The following KCNH1 variants were observed in gnomAD, a reference collection of about 807,000 sequenced individuals.
The protein encoded by KCNH1 is potassium voltage-gated channel subfamily H member 1.
KCNH1 carries 27 observed loss-of-function variants against 69.2 expected under a neutral mutation model. The observed-to-expected ratio is 0.39, with a 90% CI of 0.29 to 0.54. KCNH1 has a LOEUF of 0.54. Ranked by LOEUF, KCNH1 falls within the 20% of genes least tolerant of loss-of-function variation. KCNH1 has a pLI of 0.68. For missense variants in KCNH1, 798 were observed against 1,261.6 expected, an observed-to-expected ratio of 0.63 and a Z score of 5.57; for synonymous variants, 456 against 487.7, an observed-to-expected ratio of 0.93 and a Z score of 0.86.
In KCNH1 at chr1:211,056,828, C is replaced by T. The variant is rs376467331; in HGVS notation, c.558+25952G>A. ...CTCTACGAGTCTGCAAGAGCCACAGCTTGGGGTGTGCCCTTATGCAGGCAC... is the reference window on the plus strand; with the variant it reads ...CTCTACGAGTCTGCAAGAGCCACAGTTTGGGGTGTGCCCTTATGCAGGCAC... On this transcript the variant is annotated intron_variant, in intron 5 of 10. Coordinates refer to ENST00000271751, the MANE Select transcript of KCNH1 (RefSeq NM_172362.3). Among the ~76,000 whole-genome samples the T allele has an allele frequency of 8.5e-5, 13 of 152,364 alleles. No individual in the cohort carries two copies. The East Asian group carries it at 2.1e-3, about 25-fold the overall frequency.
chr1:210,788,906 C>T (rs1033456078), intron 9 of KCNH1, among the ~76,000 whole-genome samples: 2 of 148,526 alleles, frequency 1.3e-5, no homozygotes. Flanking sequence ...CCGTTTTAGC[C>T]GGGATGGTCT....
At chr1:210,984,451 A>G (rs1688786664) in intron 6 of KCNH1, among the ~76,000 whole-genome samples, 1 of 152,206 alleles carries the variant, frequency 6.6e-6, no homozygotes, top group African/African-American at 2.4e-5. Flanking sequence ...ACGTCCCATC[A>G]ATACCTAATT....
intron 10 of KCNH1, among the ~76,000 whole-genome samples, chr1:210,696,993 C>G (rs550005218): frequency 4.1e-4 from 62 of 152,308 alleles, no homozygotes; most frequent in African/African-American, 1.5e-3. Context: ...CAACTCTCAA[C>G]CACAAGCCTG....
intron 4 of KCNH1, among the ~76,000 whole-genome samples, chr1:211,083,633 C>T (rs1690900413): frequency 6.6e-6 from 1 of 152,164 alleles, no homozygotes; most frequent in East Asian, 1.9e-4. Flanking sequence ...CCCATCAGAC[C>T]CTTGAAGTCC....
chr1:210,838,096 T>C (rs754917819), intron 7 of KCNH1, among the ~76,000 whole-genome samples: 6 of 152,238 alleles, frequency 3.9e-5, no homozygotes, highest in Non-Finnish European at 7.3e-5. Flanking sequence ...CAAACTATAC[T>C]ACAGGGCTAC....
intron 10 of KCNH1, among the ~76,000 whole-genome samples, chr1:210,728,095 GGTT>G (rs1003757228): frequency 1.3e-5 from 2 of 152,154 alleles, no homozygotes; most frequent in African/African-American, 4.8e-5. Flanking sequence ...TAATCTCTCG[GGTT>G]GTTATCAGAA....
At chr1:210,910,277 CAAAA>C (rs373832448) in intron 7 of KCNH1, among the ~76,000 whole-genome samples, 1 of 102,772 alleles carries the variant, frequency 9.7e-6, no homozygotes, top group Non-Finnish European at 1.9e-5. Context: ...CATCAAGCAC[CAAAA>C]AAAAAAAAAA....
chr1:210,710,113 G>T (rs1574198312), intron 10 of KCNH1, among the ~76,000 whole-genome samples: 1 of 152,110 alleles, frequency 6.6e-6, no homozygotes, highest in Non-Finnish European at 1.5e-5. Context: ...GTTGCTCCTA[G>T]GCTACAAACC....
intron 10 of KCNH1, among the ~76,000 whole-genome samples, chr1:210,726,550 G>A (rs1338843720): frequency 2.6e-5 from 4 of 152,142 alleles, no homozygotes; most frequent in African/African-American, 9.7e-5. Context: ...GTCCCCTTGG[G>A]CTAGTTCACA....
intron 10 of KCNH1, among the ~76,000 whole-genome samples, chr1:210,706,700 T>C (rs1232720074): frequency 1.3e-5 from 2 of 152,262 alleles, no homozygotes; most frequent in Non-Finnish European, 2.9e-5. Context: ...GACCATGCAT[T>C]ACTAAGTAAA....
intron 1 of KCNH1, among the ~76,000 whole-genome samples, chr1:211,130,672 T>C (rs1297194678): frequency 6.6e-6 from 1 of 152,156 alleles, no homozygotes; most frequent in African/African-American, 2.4e-5. Context: ...GATTCTTAGG[T>C]GAGTTTTAGT....
chr1:210,720,678 C>T (rs930607995), intron 10 of KCNH1, among the ~76,000 whole-genome samples: 16 of 152,112 alleles, frequency 1.1e-4, no homozygotes, highest in Admixed American at 9.2e-4. Flanking sequence ...ATGATGTGTG[C>T]CATTAATCAT....
chr1:211,104,296 T>C (rs1676856065), intron 2 of KCNH1, among the ~76,000 whole-genome samples: 1 of 152,196 alleles, frequency 6.6e-6, no homozygotes, highest in African/African-American at 2.4e-5. Flanking sequence ...GATTTCATTT[T>C]AGAAATACAA....
intron 7 of KCNH1, among the ~76,000 whole-genome samples, chr1:210,828,371 T>C (rs796175812): frequency 6.6e-6 from 1 of 152,110 alleles, no homozygotes; most frequent in Non-Finnish European, 1.5e-5. Context: ...AAGCAAAGAA[T>C]GTAACATAAT....
chr1:211,114,421 T>A (rs1691531085), intron 1 of KCNH1, among the ~76,000 whole-genome samples: 2 of 152,158 alleles, frequency 1.3e-5, no homozygotes, highest in Admixed American at 1.3e-4. Flanking sequence ...TGGGAGGGAA[T>A]GGCAAAGGGG....
chr1:210,846,972 T>G (rs979737678), intron 7 of KCNH1, among the ~76,000 whole-genome samples: 24 of 152,052 alleles, frequency 1.6e-4, no homozygotes, highest in Non-Finnish European at 2.1e-4. Flanking sequence ...AAAAAACACG[T>G]GAAAAAATGC....
chr1:211,071,377 C>T (rs1194540432), intron 5 of KCNH1, among the ~76,000 whole-genome samples: 3 of 152,122 alleles, frequency 2.0e-5, no homozygotes, highest in Non-Finnish European at 2.9e-5. Flanking sequence ...CTTGAGAGAT[C>T]ACTTTTTACT....
intron 6 of KCNH1, among the ~76,000 whole-genome samples, chr1:210,953,123 C>T (rs1688094484): frequency 6.6e-6 from 1 of 152,178 alleles, no homozygotes; most frequent in Non-Finnish European, 1.5e-5. Context: ...ATTCCTATAC[C>T]TATAGCTACC....
chr1:210,806,082 A>G (rs950104859), intron 7 of KCNH1, among the ~76,000 whole-genome samples: 1 of 152,188 alleles, frequency 6.6e-6, no homozygotes, highest in African/African-American at 2.4e-5. Flanking sequence ...GTATATACCT[A>G]GGAGTGAAAT....
Sources: allele counts gnomAD v4.1 joint callset (sites outside exome capture counted in the v4.1 genomes callset), GRCh38; gene constraint gnomAD v4.1.1; transcripts MANE v1.5; gene names NCBI Gene and HGNC (gene_info 2026-07-23, HGNC 2026-07-21).